The following CLCN3 variants were observed in gnomAD, a reference collection of about 807,000 sequenced individuals.
CLCN3 encodes H(+)/Cl(-) exchange transporter 3.
Under a neutral mutation model 83.4 loss-of-function variants are expected in CLCN3, and 16 were observed. The ratio of observed to expected loss-of-function variants is 0.19; its 90% CI spans 0.13 to 0.29. The LOEUF (loss-of-function observed/expected upper bound fraction) is 0.29. CLCN3 is among the 10% of genes least tolerant of loss of function. CLCN3 has a pLI of 1.00. For synonymous variants in CLCN3, 322 were observed against 346.2 expected (o/e 0.93, Z 0.78); for missense variants, 544 against 1,006.0 (o/e 0.54, Z 6.21).
intron 7 of CLCN3, among the ~76,000 whole-genome samples, chr4:169,695,105 G>C (rs1488750142): frequency 6.6e-6 from 1 of 152,122 alleles, no homozygotes; most frequent in Non-Finnish European, 1.5e-5. Flanking sequence ...TAGATTGATA[G>C]TATTTTAGCA....
In CLCN3 at chr4:169,630,705, A is replaced by AT. The variant is rs575406186; in HGVS notation, c.-16-5201dup. On this transcript the variant is annotated intron_variant, in intron 1 of 12. Coordinates refer to ENST00000513761, the MANE Select transcript of CLCN3 (RefSeq NM_001829.4). ...GCCATCACTCCCGGCTAATTTTTGT[A>AT]TTTTTTTAGTACAGGGTTTCACCAT... Among the ~76,000 whole-genome samples, 576 of 151,862 alleles carry AT rather than the reference A, an allele frequency of 3.8e-3. 2 individuals are homozygous for AT. Among genetic ancestry groups the AT allele is most frequent in the Non-Finnish European group, 6.6e-3 (448 of 67,928 alleles).
intron 2 of CLCN3, among the ~76,000 whole-genome samples, chr4:169,661,974 G>A (rs1483291539): frequency 6.6e-6 from 1 of 152,074 alleles, no homozygotes; most frequent in Non-Finnish European, 1.5e-5. Context: ...TTTTCCTCAT[G>A]CTATTACAAC....
intron 2 of CLCN3, among the ~76,000 whole-genome samples, chr4:169,637,696 T>C (rs1018997718): frequency 6.6e-6 from 1 of 152,100 alleles, no homozygotes; most frequent in African/African-American, 2.4e-5. Flanking sequence ...AAAGATATTC[T>C]CCTGTTTTGT....
chr4:169,701,004 T>C (rs1732764609), intron 9 of CLCN3, among the ~76,000 whole-genome samples: 2 of 152,126 alleles, frequency 1.3e-5, no homozygotes, highest in South Asian at 4.1e-4. Flanking sequence ...ACAGTGAAAT[T>C]TGCCGCATTG....
At chr4:169,668,678 G>A (rs571999931) in intron 2 of CLCN3, among the ~76,000 whole-genome samples, 1 of 151,204 alleles carries the variant, frequency 6.6e-6, no homozygotes, top group South Asian at 2.1e-4. Flanking sequence ...GAGTTAGGTA[G>A]TAGAATAGTA....
At chr4:169,680,423 A>G in intron 3 of CLCN3, 1 of 413,378 alleles carries the variant, frequency 2.4e-6, no homozygotes, top group Non-Finnish European at 4.3e-6. Context: ...TCAGGTAGCT[A>G]AAAAACAAAG....
chr4:169,659,379 C>T (rs1730976840), intron 2 of CLCN3, among the ~76,000 whole-genome samples: 1 of 152,068 alleles, frequency 6.6e-6, no homozygotes, highest in Non-Finnish European at 1.5e-5. Context: ...AATTTTATAA[C>T]AATTTCTAGA....
rs935703403 is a variant in CLCN3 at position 169,720,237 on chromosome 4, C to G, written c.*240C>G. 2 of 601,020 alleles carry G rather than the reference C, an allele frequency of 3.3e-6. No individual in the cohort carries two copies. The highest frequency in any genetic ancestry group is 3.7e-5 in the African/African-American group (2 of 53,668). The allele number at this position is 601,020 out of a possible 1,614,324, so 37.2% of individuals were successfully genotyped here. On this transcript the variant is annotated 3_prime_UTR_variant, in exon 13 of 13. Coordinates refer to ENST00000513761, the MANE Select transcript of CLCN3 (RefSeq NM_001829.4). Reference sequence around the variant, plus strand: ...GAGGTATTTCCCGTCTAACAGAAAGCAGCGTATCAACTCCTATTGTTCTGC... The same window carrying G: ...GAGGTATTTCCCGTCTAACAGAAAGGAGCGTATCAACTCCTATTGTTCTGC...
rs1349943469 is a variant in CLCN3, at chr4:169,722,781, T to C, written c.*2784T>C. ...TACAGGAAAAGTGCCGTATTTTTAATGCATTTAGTGGTTTTCTTTGGTGTT... is the reference window on the plus strand; with the variant it reads ...TACAGGAAAAGTGCCGTATTTTTAACGCATTTAGTGGTTTTCTTTGGTGTT... On this transcript the variant is annotated 3_prime_UTR_variant, in exon 13 of 13. Coordinates refer to ENST00000513761, the MANE Select transcript of CLCN3 (RefSeq NM_001829.4). The C allele has an allele frequency of 1.3e-5, 2 of 152,238 alleles. No homozygotes were observed. The highest frequency in any genetic ancestry group is 3.8e-4 in the East Asian group (2 of 5,200). 9.4% of individuals were successfully genotyped at this position (152,238 alleles called of 1,614,324 possible).
At chr4:169,700,184 C>G (rs563181745) in intron 9 of CLCN3, among the ~76,000 whole-genome samples, 2 of 152,242 alleles carry the variant, frequency 1.3e-5, no homozygotes, top group East Asian at 3.9e-4. Flanking sequence ...CTAAGAGACT[C>G]AAGAGTACAT....
At position 169,697,470 on chromosome 4, in the gene CLCN3, T is replaced by C; in HGVS notation, c.1299T>C (p.Ile433=). The change falls in exon 9 of 13, where the codon ATT becomes ATC. Residue 433 remains isoleucine (I), a synonymous_variant. Transcript: ENST00000513761. ...AGTATCCCGTTCTGGAAGTCATTAT[T>C]GTTGCAGCCATTACTGCTGTGATAG... The part of the protein sequence containing the change: ...FGKYPVLEVI[I]VAAITAVIAF... 1 of 1,614,214 alleles carries C rather than the reference T, an allele frequency of 6.2e-7. No individual in the cohort carries two copies. The highest frequency in any genetic ancestry group is 8.5e-7 in the Non-Finnish European group (1 of 1,180,040).
At chr4:169,679,865 GGA>G (rs960222309) in intron 2 of CLCN3, among the ~76,000 whole-genome samples, 183 bp from the exon 3 acceptor site, 38 of 121,612 alleles carry the variant, frequency 3.1e-4, no homozygotes, top group African/African-American at 1.0e-3. Context: ...GGCAACAGAG[GGA>G]GACCGTGGAA....
chr4:169,689,329 TACA>T, intron 5 of CLCN3, 99 bp downstream of exon 5: 3 of 1,001,582 alleles, frequency 3.0e-6, no homozygotes, highest in South Asian at 1.7e-5. Context: ...GATGATTACA[TACA>T]CATCAAATGG....
chr4:169,623,921 C>CT (rs1159494718), intron 1 of CLCN3, among the ~76,000 whole-genome samples: 3 of 152,088 alleles, frequency 2.0e-5, no homozygotes, highest in Non-Finnish European at 4.4e-5. Context: ...ATCATAGATC[C>CT]TTTTAGATAT....
At chr4:169,629,974 T>TA (rs772924002) in intron 1 of CLCN3, among the ~76,000 whole-genome samples, 1 of 152,194 alleles carries the variant, frequency 6.6e-6, no homozygotes, top group East Asian at 1.9e-4. Context: ...ACCTATTCTT[T>TA]AAGGTTGTCA....
Position 169,620,608 on chromosome 4 carries a change from C to T in CLCN3, c.-472C>T, listed in dbSNP as rs899964041. The T allele has an allele frequency of 3.0e-5, 12 of 397,216 alleles. No homozygotes were observed. The highest frequency in any genetic ancestry group is 4.9e-5 in the Non-Finnish European group (11 of 225,850). The allele number at this position is 397,216 out of a possible 1,614,324, so 24.6% of individuals were successfully genotyped here. A position where few individuals can be genotyped will look rare whatever the true frequency, so the allele number is the denominator to read the frequency against. Reference sequence around the variant, plus strand: ...CCCCTTCCGTGGGTCAGGGCCGGTCCGGTCCGGAACCTGCAGCCCCTTTCC... The same window carrying T: ...CCCCTTCCGTGGGTCAGGGCCGGTCTGGTCCGGAACCTGCAGCCCCTTTCC... On this transcript the variant is annotated 5_prime_UTR_variant, in exon 1 of 13. Transcript: ENST00000513761.
chr4:169,713,944 T>C (rs1733325642), intron 12 of CLCN3, among the ~76,000 whole-genome samples: 1 of 152,184 alleles, frequency 6.6e-6, no homozygotes, highest in Non-Finnish European at 1.5e-5. Context: ...CTTTTACACA[T>C]GAACTGCCAG....
intron 8 of CLCN3, among the ~76,000 whole-genome samples, chr4:169,696,415 A>T (rs1221168217): frequency 2.0e-5 from 3 of 151,308 alleles, no homozygotes; most frequent in South Asian, 2.1e-4. Flanking sequence ...TTTTTTTTTA[A>T]TTTTTTTTGA....
In CLCN3 at chr4:169,704,668, A is replaced by T. The variant is rs78022702; in HGVS notation, c.1750+484A>T. 7.1e-3 allele frequency among the ~76,000 whole-genome samples: 1,084 copies of T among 152,358 alleles called. 6 individuals are homozygous for T. Among genetic ancestry groups the T allele is most frequent in the Non-Finnish European group, 0.01 (697 of 68,022 alleles). ...GCTCCATCATCTAAGGTATATTTGT[A>T]ACAAAATGAGAAAAGGTAACTTCAT... is the stretch of plus-strand genomic sequence containing the variant. On this transcript the variant is annotated intron_variant, in intron 10 of 12. Coordinates refer to ENST00000513761, the MANE Select transcript of CLCN3 (RefSeq NM_001829.4).
Sources: gnomAD v4.1 joint callset for allele counts (sites outside exome capture counted in the v4.1 genomes callset) on GRCh38, gnomAD v4.1.1 for gene constraint, MANE v1.5 for transcripts, NCBI Gene and HGNC (gene_info 2026-07-23, HGNC 2026-07-21) for gene names.